Variants in MYH10 observed in about 807,000 individuals in gnomAD.
The protein encoded by MYH10 is myosin-10.
In MYH10, 55 loss-of-function variants were observed where a neutral mutation model predicts 257.8. That is an observed-to-expected ratio of 0.21 (90% CI 0.17 to 0.27). The LOEUF is 0.27. Ranked by LOEUF, MYH10 falls within the 10% of genes least tolerant of loss-of-function variation. The probability of loss-of-function intolerance (pLI) is 1.00; values close to 1 mark genes in which losing one functional copy is unlikely to be tolerated. For synonymous variants in MYH10, 854 were observed against 921.7 expected (o/e 0.93, Z 1.33); for missense variants, 1,631 against 2,500.6 (o/e 0.65, Z 7.42).
At chr17:8,561,519 C>G in intron 7 of MYH10, 2 of 1,444,164 alleles carry the variant, frequency 1.4e-6, no homozygotes, top group South Asian at 2.3e-5. Flanking sequence ...ACCGAACACC[C>G]CCACCCCGAT....
chr17:8,594,461 G>T (rs1389051859), intron 3 of MYH10, among the ~76,000 whole-genome samples: 1 of 152,152 alleles, frequency 6.6e-6, no homozygotes, highest in African/African-American at 2.4e-5. Context: ...CGAACACCTG[G>T]AATTCATCTA....
chr17:8,596,416 A>G (rs2084373342), intron 3 of MYH10, among the ~76,000 whole-genome samples: 1 of 152,036 alleles, frequency 6.6e-6, no homozygotes, highest in Non-Finnish European at 1.5e-5. Flanking sequence ...CAGCCTCCCA[A>G]GCTGGGATTA....
At chr17:8,589,267 T>G (rs1313733214) in intron 3 of MYH10, among the ~76,000 whole-genome samples, 159 bp from the exon 4 acceptor site, 1 of 149,714 alleles carries the variant, frequency 6.7e-6, no homozygotes, top group Non-Finnish European at 1.5e-5. Context: ...CAGTCCTAAA[T>G]CTAATCAAAC....
intron 1 of MYH10, among the ~76,000 whole-genome samples, chr17:8,629,523 C>A (rs1475207856): frequency 6.6e-6 from 1 of 152,172 alleles, no homozygotes; most frequent in Non-Finnish European, 1.5e-5. Flanking sequence ...ACAGGCCTGG[C>A]TGGGGGCCTC....
rs571492598 is a variant in MYH10 at position 8,475,549 on chromosome 17, G to A, written c.*255C>T. The A allele has an allele frequency of 1.3e-4, 54 of 426,942 alleles. No homozygotes were observed. Among genetic ancestry groups the A allele is most frequent in the African/African-American group, 9.6e-4 (48 of 50,058 alleles). 26.4% of individuals were successfully genotyped at this position (426,942 alleles called of 1,614,324 possible). On this transcript the variant is annotated 3_prime_UTR_variant, in exon 43 of 43. Transcript: ENST00000360416. ...ATGTTTTATAAAATGGTCTCTTGAT[G>A]ACTATATGGAAAATAGATGCAATGA...
chr17:8,481,510 G>C lies in MYH10; in HGVS notation c.5176-100C>G, dbSNP rs570551161. 4 of 985,058 alleles carry C rather than the reference G, an allele frequency of 4.1e-6. No homozygotes were observed. In the Admixed American group the frequency reaches 9.0e-5, roughly 22 times the overall value. 61.0% of individuals were successfully genotyped at this position (985,058 alleles called of 1,614,324 possible). Reference sequence around the variant, plus strand: ...CTACAGCGACCTTGCTCCTGTCACTGTTTACCTGCACCTCAAGCTGTCATT... The same window carrying C: ...CTACAGCGACCTTGCTCCTGTCACTCTTTACCTGCACCTCAAGCTGTCATT... On this transcript the variant is annotated intron_variant, in intron 37 of 42. Coordinates refer to ENST00000360416, the MANE Select transcript of MYH10 (RefSeq NM_001256012.3).
rs1345978368 is a variant in MYH10, at chr17:8,552,681, A to G, written c.821-537T>C. ...GTGCCCACAATGCTACCCTATTGAA[A>G]GCCTCCTATATGAGAGGCACTCGCC... On this transcript the variant is annotated intron_variant, in intron 8 of 42. Coordinates refer to ENST00000360416, the MANE Select transcript of MYH10 (RefSeq NM_001256012.3). This position sits in a 1 kb window ranked among gnomAD's most constrained non-coding sequence, Gnocchi z 4.8. Among the ~76,000 whole-genome samples the G allele has an allele frequency of 6.6e-6, 1 of 152,216 alleles. No individual in the cohort carries two copies. The highest frequency in any genetic ancestry group is 1.5e-5 in the Non-Finnish European group (1 of 68,030).
At position 8,477,303 on chromosome 17, in the gene MYH10, G is replaced by GGATGA. The variant is rs1232339503; in HGVS notation, c.5707-256_5707-255insTCATC. Among the ~76,000 whole-genome samples the GGATGA allele has an allele frequency of 6.6e-6, 1 of 152,152 alleles. No homozygotes were observed. Among genetic ancestry groups the GGATGA allele is most frequent in the Non-Finnish European group, 1.5e-5 (1 of 68,020 alleles). ...CTCAAGACTCTGTTTTTACCAGTGA[G>GGATGA]TTTTCTGCAGAAAAATGACAGCGTT... On this transcript the variant is annotated intron_variant, in intron 41 of 42. Transcript: ENST00000360416. The surrounding 1 kb of genome is among the most constrained non-coding windows in gnomAD (Gnocchi z 4.2).
intron 3 of MYH10, among the ~76,000 whole-genome samples, chr17:8,599,754 G>A (rs2084520748): frequency 6.6e-6 from 1 of 152,238 alleles, no homozygotes; most frequent in South Asian, 2.1e-4. Context: ...AAAAAGAGAA[G>A]CAGAAGATAC....
Position 8,545,621 on chromosome 17 carries a change from C to T in MYH10, c.1279-21G>A. 1 of 1,602,292 alleles carries T rather than the reference C, an allele frequency of 6.2e-7. No individual in the cohort carries two copies. Among genetic ancestry groups the T allele is most frequent in the Non-Finnish European group, 8.5e-7 (1 of 1,175,602 alleles). On this transcript the variant is annotated intron_variant, in intron 12 of 42. Coordinates refer to ENST00000360416, the MANE Select transcript of MYH10 (RefSeq NM_001256012.3). This position sits in a 1 kb window ranked among gnomAD's most constrained non-coding sequence, Gnocchi z 4.7. ...TCTGCCTGTAATTAAATCACAACAA[C>T]CTTTTATTCTGGAAACAATCTCAAC...
Position 8,480,734 on chromosome 17 carries a change from G to A in MYH10, c.5265-209C>T, listed in dbSNP as rs371332377. 11 of 642,112 alleles carry A rather than the reference G, an allele frequency of 1.7e-5. No individual in the cohort carries two copies. The East Asian group carries it at 3.0e-4, about 17-fold the overall frequency. 39.8% of individuals were successfully genotyped at this position (642,112 alleles called of 1,614,324 possible). A position where few individuals can be genotyped will look rare whatever the true frequency, so the allele number is the denominator to read the frequency against. On this transcript the variant is annotated intron_variant, in intron 38 of 42. Transcript: ENST00000360416. ...CCCCCGCTGCCACCACCCAGATGCA[G>A]GCCTGTCATCTCTCACCTGGACTGC...
At chr17:8,539,988 C>G (rs151255826) in intron 14 of MYH10, among the ~76,000 whole-genome samples, 69 of 152,232 alleles carry the variant, frequency 4.5e-4, no homozygotes, top group African/African-American at 1.6e-3. Context: ...TTCTACTTCA[C>G]TTATTTATTT....
In MYH10 at chr17:8,518,149, T is replaced by TGTGTG. The variant is rs1555583009; in HGVS notation, c.2504+481_2504+482insCACAC. On this transcript the variant is annotated intron_variant, in intron 21 of 42. Coordinates refer to ENST00000360416, the MANE Select transcript of MYH10 (RefSeq NM_001256012.3). ...TGTGTGTGTGTGTGTGTGTGTGTGT[T>TGTGTG]TGAGATAGGGTCTCACTTTGTCACC... 5.0e-4 allele frequency among the ~76,000 whole-genome samples: 41 copies of TGTGTG among 81,308 alleles called. 1 individual carries two copies. The highest frequency in any genetic ancestry group is 4.8e-3 in the South Asian group (12 of 2,482). 53.3% of individuals were successfully genotyped at this position (81,308 alleles called of 152,430 possible).
intron 13 of MYH10, among the ~76,000 whole-genome samples, chr17:8,542,701 G>C (rs2151946060): frequency 6.6e-6 from 1 of 152,322 alleles, no homozygotes; most frequent in East Asian, 1.9e-4. Context: ...ACAAGGTGGT[G>C]GGCGCGCTTC....
intron 2 of MYH10, among the ~76,000 whole-genome samples, chr17:8,607,008 G>T: frequency 6.6e-6 from 1 of 152,050 alleles, no homozygotes; most frequent in Non-Finnish European, 1.5e-5. Context: ...GCTGCCCACA[G>T]GACAAAAGGG....
At chr17:8,614,166 T>C (rs558554655) in intron 2 of MYH10, among the ~76,000 whole-genome samples, 7 of 152,038 alleles carry the variant, frequency 4.6e-5, no homozygotes, top group Admixed American at 6.6e-5. Flanking sequence ...ATTAATCACA[T>C]AACGAACCAT....
rs1320710826 is a variant in MYH10 at position 8,492,423 on chromosome 17, T to C, written c.4545A>G (p.Lys1515=). 1.2e-6 allele frequency: 2 copies of C among 1,613,288 alleles called. No individual in the cohort carries two copies. Among genetic ancestry groups the C allele is most frequent in the East Asian group, 2.2e-5 (1 of 44,868 alleles). ...AEAEAREKET[K]ALSLARALEE... is the part of the protein sequence containing the mutation. ...CGAGGGCCCGGGCCAGTGACAGGGC[T>C]TTGGTTTCTTTCTCTCTGGCCTCGG... The change falls in exon 34 of 43, where the codon AAA becomes AAG. Residue 1515 remains lysine (K), a synonymous_variant. Transcript: ENST00000360416.
At chr17:8,518,571 A>G in intron 21 of MYH10, 60 bp downstream of exon 21, 1 of 1,543,266 alleles carries the variant, frequency 6.5e-7, no homozygotes, top group East Asian at 2.2e-5. Context: ...GTCAAAATGC[A>G]ATGCTTATCT....
At chr17:8,543,421 C>T (rs990883268) in intron 13 of MYH10, among the ~76,000 whole-genome samples, 1 of 151,150 alleles carries the variant, frequency 6.6e-6, no homozygotes, top group Non-Finnish European at 1.5e-5. Flanking sequence ...GTGAACTTTG[C>T]TTTGCCTCAG....
Sources: allele counts gnomAD v4.1 joint callset (sites outside exome capture counted in the v4.1 genomes callset), GRCh38; gene constraint gnomAD v4.1.1; non-coding constraint Gnocchi (gnomAD v3.1); transcripts MANE v1.5; gene names NCBI Gene and HGNC (gene_info 2026-07-23, HGNC 2026-07-21).